The following NID2 variants were observed in gnomAD, a reference collection of about 807,000 sequenced individuals.
The protein encoded by NID2 is nidogen 2.
NID2 carries 83 observed loss-of-function variants against 145.4 expected under a neutral mutation model. The observed-to-expected ratio is 0.57, with a 90% CI of 0.48 to 0.69. NID2 has a LOEUF of 0.69. Ranked by LOEUF, NID2 falls within the 30% of genes least tolerant of loss-of-function variation. The probability of loss-of-function intolerance (pLI) is 0.00; values close to 1 mark genes in which losing one functional copy is unlikely to be tolerated. For synonymous variants in NID2, 739 were observed against 701.3 expected, an observed-to-expected ratio of 1.05 and a Z score of -0.85; for missense variants, 1,807 against 1,765.7, an observed-to-expected ratio of 1.02 and a Z score of -0.42.
At chr14:52,033,973 C>T (rs1427974445) in intron 9 of NID2, among the ~76,000 whole-genome samples, 1 of 152,110 alleles carries the variant, frequency 6.6e-6, no homozygotes, top group African/African-American at 2.4e-5. Flanking sequence ...CATTTCTATA[C>T]CTCAGTCTCA....
In NID2 at chr14:52,042,941, A is replaced by G; in HGVS notation, c.1430-10T>C. The stretch of plus-strand genomic sequence containing the variant: ...GCATTATACGTGAAGACTGAAAAAT[A>G]AAACAAACTTGCCTTAAAAGGACTA... On this transcript the variant is annotated splice_polypyrimidine_tract_variant and intron_variant, in intron 5 of 21. Transcript: ENST00000216286. The G allele has an allele frequency of 6.2e-7, 1 of 1,613,988 alleles. No individual in the cohort carries two copies. Among genetic ancestry groups the G allele is most frequent in the Admixed American group, 1.7e-5 (1 of 59,982 alleles).
At chr14:52,040,383 C>T (rs1008835565) in intron 8 of NID2, among the ~76,000 whole-genome samples, 6 of 152,112 alleles carry the variant, frequency 3.9e-5, no homozygotes, top group African/African-American at 1.4e-4. Flanking sequence ...ATTATACCAT[C>T]CCTACCCACC....
Position 52,068,768 on chromosome 14 carries a change from T to C in NID2, c.227A>G (p.Tyr76Cys), listed in dbSNP as rs771242578. 1 of 1,601,448 alleles carries C rather than the reference T, an allele frequency of 6.2e-7. No homozygotes were observed. Among genetic ancestry groups the C allele is most frequent in the East Asian group, 2.2e-5 (1 of 44,814 alleles). ...HFYEARFSNL[Y>C]VGTNGIISTQ... ...GTGCCAGGAGGGGGCTGAACTTACGTAGAGGTTGCTGAATCGGGCTTCGTA... is the reference window on the plus strand; with the variant it reads ...GTGCCAGGAGGGGGCTGAACTTACGCAGAGGTTGCTGAATCGGGCTTCGTA... Residue 76 changes from tyrosine to cysteine, a missense_variant and splice_region_variant, in exon 1 of 22, where the codon TAC becomes TGC. Physicochemically the swap from Tyr to Cys is radical, Grantham distance 194. Transcript: ENST00000216286.
intron 19 of NID2, chr14:52,007,538 G>A: frequency 2.5e-6 from 1 of 404,706 alleles, no homozygotes. Flanking sequence ...TTCAACAATG[G>A]CTAATTCTTT....
At chr14:52,030,515 GAAAAGAA>G (rs1566755363) in intron 9 of NID2, among the ~76,000 whole-genome samples, 786 of 48,332 alleles carry the variant, frequency 0.016, 27 homozygotes, top group Middle Eastern at 0.032. Context: ...AAGAAAGAAA[GAAAAGAA>G]AGAAAGAAAG....
intron 3 of NID2, among the ~76,000 whole-genome samples, chr14:52,056,346 A>T (rs1446364695): frequency 1.3e-5 from 2 of 152,222 alleles, no homozygotes; most frequent in Non-Finnish European, 2.9e-5. Flanking sequence ...AAAAGTAACC[A>T]ATTTGAGTTT....
chr14:52,030,569 G>GAAAGAAAGA (rs1891800402), intron 9 of NID2, among the ~76,000 whole-genome samples: 1 of 31,920 alleles, frequency 3.1e-5, no homozygotes, highest in African/African-American at 1.0e-4. Flanking sequence ...AGAAAGAAAG[G>GAAAGAAAGA]AAGGAAGGGA....
chr14:52,032,804 G>GAAAAAAAAAAA (rs3030384), intron 9 of NID2, among the ~76,000 whole-genome samples: 1 of 141,846 alleles, frequency 7.0e-6, no homozygotes, highest in African/African-American at 2.7e-5. Flanking sequence ...GGCATTAAAA[G>GAAAAAAAAAAA]AAAAAAAAAA....
intron 18 of NID2, chr14:52,010,145 T>C (rs905965641): frequency 1.3e-5 from 2 of 152,206 alleles, no homozygotes; most frequent in African/African-American, 4.8e-5. Context: ...AACCCAAAGT[T>C]TGAAACCACC....
intron 2 of NID2, among the ~76,000 whole-genome samples, chr14:52,060,623 A>G (rs1238476322): frequency 6.6e-6 from 1 of 152,232 alleles, no homozygotes; most frequent in Non-Finnish European, 1.5e-5. Flanking sequence ...ACGCATTGGT[A>G]AAACATAGGT....
At chr14:52,022,424 A>T (rs904265882) in intron 12 of NID2, among the ~76,000 whole-genome samples, 4 of 152,130 alleles carry the variant, frequency 2.6e-5, no homozygotes, top group Non-Finnish European at 5.9e-5. Context: ...CATGATAGAG[A>T]CTAGAGTCCC....
chr14:52,037,584 A>C (rs1452732615), intron 9 of NID2, among the ~76,000 whole-genome samples: 1 of 152,224 alleles, frequency 6.6e-6, no homozygotes, highest in Non-Finnish European at 1.5e-5. Flanking sequence ...AGTTTGAGAA[A>C]TACAAGTCTG....
At chr14:52,052,983 G>A (rs368051433) in intron 5 of NID2, among the ~76,000 whole-genome samples, 5 of 152,206 alleles carry the variant, frequency 3.3e-5, no homozygotes, top group African/African-American at 9.7e-5. Context: ...CATGAAATGA[G>A]GACAAGGCTC....
intron 19 of NID2, 70 bp from the exon 20 acceptor site, chr14:52,006,730 G>A (rs1890799955): frequency 1.1e-5 from 16 of 1,516,830 alleles, no homozygotes; most frequent in Non-Finnish European, 1.5e-5. Flanking sequence ...CATAGTGATA[G>A]TGACACAGTG....
intron 5 of NID2, among the ~76,000 whole-genome samples, chr14:52,046,612 C>T (rs1220366574): frequency 1.3e-5 from 2 of 152,126 alleles, no homozygotes; most frequent in African/African-American, 4.8e-5. Flanking sequence ...CAGCAACTTA[C>T]AAGTGCAACT....
At chr14:52,024,243 C>G (rs1262199709) in intron 12 of NID2, among the ~76,000 whole-genome samples, 3 of 152,188 alleles carry the variant, frequency 2.0e-5, no homozygotes, top group Non-Finnish European at 4.4e-5. Context: ...AATCCCCACC[C>G]TTTCAGTAAC....
At chr14:52,056,736 G>A (rs1274254751) in intron 3 of NID2, among the ~76,000 whole-genome samples, 1 of 152,112 alleles carries the variant, frequency 6.6e-6, no homozygotes, top group Non-Finnish European at 1.5e-5. Context: ...AGGTTGCAGT[G>A]AACCGAGGTC....
At chr14:52,035,456 C>T (rs751337340) in intron 9 of NID2, among the ~76,000 whole-genome samples, 2 of 152,128 alleles carry the variant, frequency 1.3e-5, no homozygotes, top group African/African-American at 4.8e-5. Context: ...ATGCCTAGAA[C>T]ATTTTAAAAT....
chr14:52,066,785 T>C (rs1893230799), intron 2 of NID2, among the ~76,000 whole-genome samples: 1 of 152,156 alleles, frequency 6.6e-6, no homozygotes, highest in African/African-American at 2.4e-5. Flanking sequence ...GAGTATGGTA[T>C]TTTAGATTCA....
Sources: gnomAD v4.1 joint callset for allele counts (sites outside exome capture counted in the v4.1 genomes callset) on GRCh38, gnomAD v4.1.1 for gene constraint, MANE v1.5 for transcripts, NCBI Gene and HGNC (gene_info 2026-07-23, HGNC 2026-07-21) for gene names.